Variants in TAOK1 observed in about 807,000 individuals in gnomAD.
TAOK1 encodes the protein TAO kinase 1.
In TAOK1, 21 loss-of-function variants were observed where a neutral mutation model predicts 138.3. The observed-to-expected ratio is 0.15, with a 90% confidence interval of 0.11 to 0.22. TAOK1 has a LOEUF of 0.22. Among genes scored for constraint, TAOK1 ranks in the 10% least tolerant of loss-of-function variants. The pLI is 1.00. For synonymous variants in TAOK1, 361 were observed against 398.4 expected (o/e 0.91, Z 1.12); for missense variants, 651 against 1,227.7 (o/e 0.53, Z 7.02).
At chr17:29,472,764 CAG>C (rs1488237380) in intron 3 of TAOK1, among the ~76,000 whole-genome samples, 10 of 151,692 alleles carry the variant, frequency 6.6e-5, no homozygotes, top group Non-Finnish European at 1.2e-4. Context: ...TTAGTAGAGA[CAG>C]GGTTTCTCCA....
At chr17:29,503,879 A>T (rs1287403832) in intron 13 of TAOK1, among the ~76,000 whole-genome samples, 1 of 151,900 alleles carries the variant, frequency 6.6e-6, no homozygotes, top group African/African-American at 2.4e-5. Flanking sequence ...GGGAGGCTGA[A>T]GTAAGTGGAT....
At chr17:29,423,480 G>A (rs1349508850) in intron 1 of TAOK1, among the ~76,000 whole-genome samples, 1 of 151,746 alleles carries the variant, frequency 6.6e-6, no homozygotes, top group Admixed American at 6.6e-5. Flanking sequence ...GCCTCCCAAA[G>A]TGCTGGGATT....
At chr17:29,481,651 G>C (rs2031065043) in intron 7 of TAOK1, among the ~76,000 whole-genome samples, 2 of 151,866 alleles carry the variant, frequency 1.3e-5, no homozygotes, top group Non-Finnish European at 2.9e-5. Context: ...GATAATGATG[G>C]ATAGTGAAAA....
At position 29,438,316 on chromosome 17, in the gene TAOK1, T is replaced by C. The variant is rs545271717; in HGVS notation, c.-94-13139T>C. Among the ~76,000 whole-genome samples, 8 of 152,358 alleles carry C rather than the reference T, an allele frequency of 5.3e-5. No individual in the cohort carries two copies. In the South Asian group the frequency reaches 1.2e-3, roughly 24 times the overall value. On this transcript the variant is annotated intron_variant, in intron 1 of 19. Transcript: ENST00000261716. ...ATTTTTCTTTTTCTGTTGTTTACTA[T>C]TAGAATTATGTGAGCATCAAAACAA...
intron 17 of TAOK1, among the ~76,000 whole-genome samples, chr17:29,529,365 G>C (rs1291717814): frequency 6.6e-6 from 1 of 152,206 alleles, no homozygotes; most frequent in East Asian, 1.9e-4. Flanking sequence ...TGAGGTGGGA[G>C]GATCGCTTGA....
chr17:29,470,459 A>G (rs2030787273), intron 3 of TAOK1, among the ~76,000 whole-genome samples: 1 of 152,190 alleles, frequency 6.6e-6, no homozygotes, highest in Non-Finnish European at 1.5e-5. Context: ...TTAAACCCTA[A>G]CATTTGGTAA....
At chr17:29,471,409 C>G (rs2030815644) in intron 3 of TAOK1, among the ~76,000 whole-genome samples, 1 of 147,162 alleles carries the variant, frequency 6.8e-6, no homozygotes, top group South Asian at 2.2e-4. Flanking sequence ...TCCCGAGTAG[C>G]TGGGACTACA....
chr17:29,434,627 T>C (rs1294018498), intron 1 of TAOK1, among the ~76,000 whole-genome samples: 2 of 152,156 alleles, frequency 1.3e-5, no homozygotes, highest in Non-Finnish European at 2.9e-5. Context: ...TTGTCTCACC[T>C]ATGTCTGTTT....
rs2030972587 is a variant in TAOK1 at position 29,477,529 on chromosome 17, T to C, written c.307-132T>C. ...GAGTAATATCTATATAACTATTTTTTTAAGGTAAATGGTGACTAGAATTTT... is the reference window on the plus strand; with the variant it reads ...GAGTAATATCTATATAACTATTTTTCTAAGGTAAATGGTGACTAGAATTTT... On this transcript the variant is annotated intron_variant, in intron 4 of 19. Transcript: ENST00000261716. 5 of 324,106 alleles carry C rather than the reference T, an allele frequency of 1.5e-5. No individual in the cohort carries two copies. The South Asian group carries it at 6.0e-4, about 39-fold the overall frequency. The allele number at this position is 324,106 out of a possible 1,614,324, so 20.1% of individuals were successfully genotyped here. A position where few individuals can be genotyped will look rare whatever the true frequency, so the allele number is the denominator to read the frequency against.
intron 7 of TAOK1, among the ~76,000 whole-genome samples, chr17:29,481,149 A>G (rs2031053533): frequency 6.6e-6 from 1 of 151,976 alleles, no homozygotes; most frequent in African/African-American, 2.4e-5. Context: ...ACAACGGACA[A>G]TACTTGTTGC....
Position 29,522,270 on chromosome 17 carries a change from T to TA in TAOK1, c.1909-9dup. The TA allele has an allele frequency of 6.2e-7, 1 of 1,613,186 alleles. No individual in the cohort carries two copies. Among genetic ancestry groups the TA allele is most frequent in the Non-Finnish European group, 8.5e-7 (1 of 1,179,414 alleles). On this transcript the variant is annotated splice_polypyrimidine_tract_variant and intron_variant, in intron 16 of 19. Coordinates refer to ENST00000261716, the MANE Select transcript of TAOK1 (RefSeq NM_020791.4). ...TAAGTTATACCTTTGTCTTTTGTGT[T>TA]ATGGATTAGGAGTTAAACAAAAGAC...
chr17:29,517,670 A>T lies in TAOK1; in HGVS notation c.1908+14A>T, dbSNP rs765834250. The T allele has an allele frequency of 6.3e-7, 1 of 1,583,174 alleles. No homozygotes were observed. Among genetic ancestry groups the T allele is most frequent in the East Asian group, 2.2e-5 (1 of 44,546 alleles). ...CTTGTCAGGGAGGTAAGTTTGAGTG[A>T]TGAGAAATTTTAAATCCTTTATCAA... On this transcript the variant is annotated intron_variant, in intron 16 of 19. Transcript: ENST00000261716.
At chr17:29,392,333 T>A (rs1904461312) in intron 1 of TAOK1, among the ~76,000 whole-genome samples, 1 of 152,202 alleles carries the variant, frequency 6.6e-6, no homozygotes, top group African/African-American at 2.4e-5. Flanking sequence ...GAAATTGGAT[T>A]TTTTTTAAAA....
chr17:29,438,002 G>T (rs1906092784), intron 1 of TAOK1, among the ~76,000 whole-genome samples: 1 of 152,092 alleles, frequency 6.6e-6, no homozygotes, highest in African/African-American at 2.4e-5. Context: ...AAAGTGCTGG[G>T]ATTACAGGCG....
intron 1 of TAOK1, among the ~76,000 whole-genome samples, chr17:29,440,636 C>T (rs1181079585): frequency 6.6e-6 from 1 of 151,702 alleles, no homozygotes; most frequent in Admixed American, 6.6e-5. Flanking sequence ...AGTGCAGTCA[C>T]GCGATCTCAG....
intron 1 of TAOK1, among the ~76,000 whole-genome samples, chr17:29,448,030 A>T (rs374165652): frequency 7.4e-4 from 34 of 46,008 alleles, no homozygotes; most frequent in Admixed American, 9.4e-4. Flanking sequence ...CTTTTTTTTT[A>T]TTATTTTTGG....
At chr17:29,400,864 A>C (rs964347875) in intron 1 of TAOK1, among the ~76,000 whole-genome samples, 1 of 151,202 alleles carries the variant, frequency 6.6e-6, no homozygotes. Flanking sequence ...TGGTGCATAA[A>C]GTAAGGGTAA....
chr17:29,499,553 T>C (rs925837679), intron 12 of TAOK1, among the ~76,000 whole-genome samples: 67 of 89,902 alleles, frequency 7.5e-4, no homozygotes, highest in African/African-American at 8.4e-5. Context: ...TTTTTCTTTC[T>C]TTCTTTCTTT....
At chr17:29,424,360 C>T (rs1905563510) in intron 1 of TAOK1, among the ~76,000 whole-genome samples, 1 of 147,410 alleles carries the variant, frequency 6.8e-6, no homozygotes, top group Non-Finnish European at 1.5e-5. Context: ...TAGCGTGAAC[C>T]TGGGAGGCGG....
Sources: gnomAD v4.1 joint callset for allele counts (sites outside exome capture counted in the v4.1 genomes callset) on GRCh38, gnomAD v4.1.1 for gene constraint, MANE v1.5 for transcripts, NCBI Gene and HGNC (gene_info 2026-07-23, HGNC 2026-07-21) for gene names.